The following ZMYM4 variants were observed in gnomAD, a reference collection of about 807,000 sequenced individuals.
ZMYM4 encodes the protein zinc finger MYM-type containing 4.
In ZMYM4, 31 loss-of-function variants were observed where a neutral mutation model predicts 183.2. The ratio of observed to expected loss-of-function variants is 0.17; its 90% CI spans 0.13 to 0.23. The LOEUF (loss-of-function observed/expected upper bound fraction) is 0.23. ZMYM4 is among the 10% of genes least tolerant of loss of function. The probability of loss-of-function intolerance (pLI) is 1.00; values close to 1 mark genes in which losing one functional copy is unlikely to be tolerated. For synonymous variants in ZMYM4, 592 were observed against 631.2 expected (o/e 0.94, Z 0.93); for missense variants, 1,273 against 1,840.3 (o/e 0.69, Z 5.64).
At chr1:35,282,855 C>G (rs1640245110) in intron 1 of ZMYM4, among the ~76,000 whole-genome samples, 1 of 151,806 alleles carries the variant, frequency 6.6e-6, no homozygotes, top group South Asian at 2.1e-4. Flanking sequence ...CATGCCCAGC[C>G]TGTGTTTATC....
At chr1:35,354,396 CTT>C (rs1218781490) in intron 2 of ZMYM4, among the ~76,000 whole-genome samples, 23 of 152,206 alleles carry the variant, frequency 1.5e-4, no homozygotes, top group African/African-American at 5.5e-4. Context: ...TCATCACTCT[CTT>C]GTGAGATTAT....
At chr1:35,299,881 G>A (rs1475195280) in intron 1 of ZMYM4, among the ~76,000 whole-genome samples, 1 of 151,424 alleles carries the variant, frequency 6.6e-6, no homozygotes, top group Non-Finnish European at 1.5e-5. Context: ...TGCAAGCTCC[G>A]TGCCCTGGGT....
At chr1:35,302,525 A>G (rs1641338028) in intron 1 of ZMYM4, among the ~76,000 whole-genome samples, 2 of 151,228 alleles carry the variant, frequency 1.3e-5, no homozygotes, top group Non-Finnish European at 2.9e-5. Context: ...AGCTGGAACT[A>G]TGGGTGCCTG....
At chr1:35,315,949 T>A (rs1642026653) in intron 1 of ZMYM4, among the ~76,000 whole-genome samples, 1 of 152,116 alleles carries the variant, frequency 6.6e-6, no homozygotes, top group African/African-American at 2.4e-5. Context: ...ATTATTATTA[T>A]TTTTTAAAAG....
intron 1 of ZMYM4, among the ~76,000 whole-genome samples, chr1:35,294,737 T>G (rs757893565): frequency 6.6e-6 from 1 of 152,132 alleles, no homozygotes; most frequent in Non-Finnish European, 1.5e-5. Context: ...ATTAAAGTAC[T>G]GAAAGAAAAT....
At chr1:35,406,274 T>TAATC (rs1645001481) in intron 25 of ZMYM4, among the ~76,000 whole-genome samples, 1 of 152,178 alleles carries the variant, frequency 6.6e-6, no homozygotes, top group African/African-American at 2.4e-5. Context: ...AGATGAAATG[T>TAATC]AATCTGTCTG....
At chr1:35,386,977 T>TA (rs1553178580) in intron 11 of ZMYM4, 26 bp from the exon 12 acceptor site, 1 of 1,603,354 alleles carries the variant, frequency 6.2e-7, no homozygotes, top group Non-Finnish European at 8.5e-7. Flanking sequence ...ATTAAATTGA[T>TA]ACTTTTTGTT....
At chr1:35,316,825 T>G (rs1642065026) in intron 1 of ZMYM4, among the ~76,000 whole-genome samples, 1 of 152,196 alleles carries the variant, frequency 6.6e-6, no homozygotes, top group Non-Finnish European at 1.5e-5. Context: ...AGTTACAGTA[T>G]GAACTATATT....
chr1:35,281,234 A>G (rs573061495), intron 1 of ZMYM4, among the ~76,000 whole-genome samples: 1 of 152,046 alleles, frequency 6.6e-6, no homozygotes, highest in African/African-American at 2.4e-5. Context: ...CAGTGAGCCA[A>G]GATTGTGCCA....
rs1558148337 is a variant in ZMYM4, at chr1:35,389,098, A to G, written c.2436+16A>G. The G allele has an allele frequency of 1.9e-6, 3 of 1,592,700 alleles. No individual in the cohort carries two copies. Among genetic ancestry groups the G allele is most frequent in the Non-Finnish European group, 2.6e-6 (3 of 1,170,590 alleles). On this transcript the variant is annotated intron_variant, in intron 14 of 29. Coordinates refer to ENST00000314607, the MANE Select transcript of ZMYM4 (RefSeq NM_005095.3). This position sits in a 1 kb window ranked among gnomAD's most constrained non-coding sequence, Gnocchi z 4.0. ...GTTCTATCAGGTAAATAGAATTCACATTCCTGGGTTTTTCATTCTAGGGCA... is the reference window on the plus strand; with the variant it reads ...GTTCTATCAGGTAAATAGAATTCACGTTCCTGGGTTTTTCATTCTAGGGCA...
At chr1:35,354,843 A>G (rs866822670) in intron 2 of ZMYM4, among the ~76,000 whole-genome samples, 3 of 150,196 alleles carry the variant, frequency 2.0e-5, no homozygotes, top group African/African-American at 2.5e-5. Context: ...ACCAGTTTGC[A>G]TTCCTACCAG....
At chr1:35,351,643 G>A in intron 2 of ZMYM4, 2 of 585,350 alleles carry the variant, frequency 3.4e-6, no homozygotes, top group Non-Finnish European at 6.0e-6. Flanking sequence ...TTCAGATAAA[G>A]ACAATAAACT....
chr1:35,323,475 A>G (rs962733199), intron 1 of ZMYM4, among the ~76,000 whole-genome samples: 1 of 152,198 alleles, frequency 6.6e-6, no homozygotes, highest in African/African-American at 2.4e-5. Flanking sequence ...GATTCTTCTC[A>G]GTGTAGGCAG....
intron 1 of ZMYM4, among the ~76,000 whole-genome samples, chr1:35,272,638 C>G (rs890461515): frequency 6.6e-6 from 1 of 152,178 alleles, no homozygotes; most frequent in Non-Finnish European, 1.5e-5. Flanking sequence ...CCCCAGAGTT[C>G]TCTCCTATGG....
intron 26 of ZMYM4, among the ~76,000 whole-genome samples, chr1:35,412,680 T>C (rs1639961314): frequency 6.6e-6 from 1 of 152,058 alleles, no homozygotes; most frequent in African/African-American, 2.4e-5. Flanking sequence ...ATTTTGAACT[T>C]TTTCAATAAC....
chr1:35,277,111 T>C (rs1639915902), intron 1 of ZMYM4, among the ~76,000 whole-genome samples: 1 of 152,232 alleles, frequency 6.6e-6, no homozygotes, highest in African/African-American at 2.4e-5. Context: ...TTCTGAACTT[T>C]GGCTAAAACT....
At chr1:35,346,831 T>C (rs1643414881) in intron 2 of ZMYM4, among the ~76,000 whole-genome samples, 1 of 152,148 alleles carries the variant, frequency 6.6e-6, no homozygotes, top group African/African-American at 2.4e-5. Context: ...ACCTTTTTCC[T>C]AAAGGGCCAA....
At chr1:35,417,739 G>A (rs1304046134) in intron 28 of ZMYM4, among the ~76,000 whole-genome samples, 1 of 152,180 alleles carries the variant, frequency 6.6e-6, no homozygotes, top group East Asian at 1.9e-4. Flanking sequence ...ACCGGGCACG[G>A]TGGTTCATGC....
At chr1:35,373,967 G>A (rs1215293887) in intron 7 of ZMYM4, among the ~76,000 whole-genome samples, 3 of 150,194 alleles carry the variant, frequency 2.0e-5, no homozygotes, top group Admixed American at 6.6e-5. Flanking sequence ...TGAGTACTTA[G>A]GTATATATCC....
Sources: gnomAD v4.1 joint callset for allele counts (sites outside exome capture counted in the v4.1 genomes callset) on GRCh38, gnomAD v4.1.1 for gene constraint, Gnocchi (gnomAD v3.1) non-coding constraint, MANE v1.5 for transcripts, NCBI Gene and HGNC (gene_info 2026-07-23, HGNC 2026-07-21) for gene names.